Variants in DLGAP2 observed in about 807,000 individuals in gnomAD.
DLGAP2 encodes the protein disks large-associated protein 2.
Under a neutral mutation model 100.3 loss-of-function variants are expected in DLGAP2, and 26 were observed. The ratio of observed to expected loss-of-function variants is 0.26; its 90% CI spans 0.19 to 0.36. DLGAP2 has a LOEUF of 0.36. Ranked by LOEUF, DLGAP2 falls within the 10% of genes least tolerant of loss-of-function variation. DLGAP2 has a pLI of 1.00. For missense variants in DLGAP2, 1,858 were observed against 1,453.2 expected, an observed-to-expected ratio of 1.28 and a Z score of -4.53; for synonymous variants, 886 against 630.1, an observed-to-expected ratio of 1.41 and a Z score of -6.08.
chr8:1,187,538 C>T (rs1346739805), intron 2 of DLGAP2, among the ~76,000 whole-genome samples: 13 of 148,240 alleles, frequency 8.8e-5, no homozygotes, highest in East Asian at 2.1e-4. Context: ...CTCACACACC[C>T]GGGACCTCCG....
At chr8:1,508,288 C>A (rs571574754) in intron 4 of DLGAP2, among the ~76,000 whole-genome samples, 1 of 95,480 alleles carries the variant, frequency 1.0e-5, no homozygotes, top group Non-Finnish European at 2.2e-5. Context: ...ACCCCGCAAA[C>A]CCCCGCCACC....
At chr8:1,448,573 G>T (rs1798048259) in intron 3 of DLGAP2, among the ~76,000 whole-genome samples, 1 of 152,038 alleles carries the variant, frequency 6.6e-6, no homozygotes, top group African/African-American at 2.4e-5. Context: ...GTTGATTTGG[G>T]GTGGAGAGTT....
intron 4 of DLGAP2, among the ~76,000 whole-genome samples, chr8:1,536,349 T>G (rs948007839): frequency 6.6e-6 from 1 of 152,142 alleles, no homozygotes; most frequent in African/African-American, 2.4e-5. Context: ...CCGACGACCA[T>G]GAAAACTGCC....
At chr8:1,339,343 G>A (rs1383124269) in intron 3 of DLGAP2, among the ~76,000 whole-genome samples, 2 of 151,968 alleles carry the variant, frequency 1.3e-5, no homozygotes, top group Non-Finnish European at 2.9e-5. Context: ...TGAGGCATGA[G>A]GACCCGGGAG....
chr8:1,059,867 G>C (rs73540063), intron 2 of DLGAP2, among the ~76,000 whole-genome samples: 1 of 152,044 alleles, frequency 6.6e-6, no homozygotes, highest in East Asian at 1.9e-4. Context: ...GCAGAGAGTC[G>C]GGGGCGGTCG....
At chr8:1,422,717 G>A (rs918576224) in intron 3 of DLGAP2, among the ~76,000 whole-genome samples, 9 of 152,052 alleles carry the variant, frequency 5.9e-5, no homozygotes, top group Non-Finnish European at 2.9e-5. Flanking sequence ...AGTGCTCAGG[G>A]AACTCAACAT....
At chr8:802,589 G>A (rs540543759) in intron 1 of DLGAP2, among the ~76,000 whole-genome samples, 2 of 152,290 alleles carry the variant, frequency 1.3e-5, no homozygotes, top group South Asian at 4.1e-4. Context: ...TGCATGGCGG[G>A]GTGGGACCCA....
chr8:744,624 C>T (rs528242069), intron 1 of DLGAP2, among the ~76,000 whole-genome samples: 8 of 151,006 alleles, frequency 5.3e-5, no homozygotes, highest in Non-Finnish European at 1.0e-4. Flanking sequence ...CCGGCCACGT[C>T]GCCCTCCCGG....
rs114766958 is a variant in DLGAP2 at position 813,705 on chromosome 8, G to A, written c.18+75880G>A. On this transcript the variant is annotated intron_variant, in intron 1 of 14. Transcript: ENST00000637795. ...AACTTTTTGTCTCTAGCACAAAAGT[G>A]GGGGCACTTCCCTCTTTCCCCAGCT... Among the ~76,000 whole-genome samples the A allele has an allele frequency of 5.6e-3, 856 of 152,252 alleles. 8 individuals carry two copies. Among genetic ancestry groups the A allele is most frequent in the African/African-American group, 0.019 (803 of 41,550 alleles).
At chr8:914,763 C>T (rs558264485) in intron 2 of DLGAP2, among the ~76,000 whole-genome samples, 45 of 152,314 alleles carry the variant, frequency 3.0e-4, no homozygotes, top group African/African-American at 1.0e-3. Context: ...GCTGCATGTT[C>T]TGTGGATGCT....
chr8:1,687,966 A>G (rs780277082), intron 12 of DLGAP2, among the ~76,000 whole-genome samples: 3 of 152,186 alleles, frequency 2.0e-5, no homozygotes, highest in South Asian at 4.1e-4. Context: ...TCAAAAGCAA[A>G]GATGATTCCT....
chr8:1,300,980 G>A (rs1172814816), intron 3 of DLGAP2: 1 of 152,318 alleles, frequency 6.6e-6, no homozygotes, highest in African/African-American at 2.4e-5. Context: ...CTCATCTGGT[G>A]GGGCTCACCA....
chr8:976,991 A>G (rs1800181433), intron 2 of DLGAP2, among the ~76,000 whole-genome samples: 1 of 152,232 alleles, frequency 6.6e-6, no homozygotes, highest in South Asian at 2.1e-4. Context: ...CAGAGAATGA[A>G]ATGACAAGCT....
chr8:1,580,361 G>T (rs1281381960), intron 6 of DLGAP2, among the ~76,000 whole-genome samples: 1 of 152,188 alleles, frequency 6.6e-6, no homozygotes, highest in Non-Finnish European at 1.5e-5. Context: ...TGAGTCATCA[G>T]CAGGCTCGAC....
intron 1 of DLGAP2, chr8:891,681 A>G (rs1029741939): frequency 5.3e-5 from 8 of 152,324 alleles, no homozygotes. Context: ...TAAATGATAA[A>G]TAGGACCCTT....
chr8:1,292,536 C>A (rs758114586), intron 3 of DLGAP2, among the ~76,000 whole-genome samples: 1 of 152,172 alleles, frequency 6.6e-6, no homozygotes, highest in Non-Finnish European at 1.5e-5. Flanking sequence ...TCATTTTATA[C>A]CTTTGTTAAT....
chr8:1,317,767 G>T (rs1800795798), intron 3 of DLGAP2, among the ~76,000 whole-genome samples: 1 of 98,344 alleles, frequency 1.0e-5, no homozygotes, highest in Non-Finnish European at 2.0e-5. Context: ...TCCAACAGTG[G>T]TCTACACTCG....
chr8:955,044 G>C (rs1799565643), intron 2 of DLGAP2, among the ~76,000 whole-genome samples: 1 of 152,006 alleles, frequency 6.6e-6, no homozygotes. Context: ...AGAACTGCCA[G>C]TGCCTGTTGT....
chr8:923,053 A>G (rs998680175), intron 2 of DLGAP2, among the ~76,000 whole-genome samples: 3 of 152,174 alleles, frequency 2.0e-5, no homozygotes, highest in Non-Finnish European at 4.4e-5. Flanking sequence ...TTTTGCTACC[A>G]TGTTAAAAGC....
Sources: allele counts gnomAD v4.1 joint callset (sites outside exome capture counted in the v4.1 genomes callset), GRCh38; gene constraint gnomAD v4.1.1; transcripts MANE v1.5; gene names NCBI Gene and HGNC (gene_info 2026-07-23, HGNC 2026-07-21).